Variants in RP1 observed in about 807,000 individuals in gnomAD.
The protein encoded by RP1 is oxygen-regulated protein 1.
A neutral mutation model predicts 14.8 loss-of-function variants in RP1; 16 were observed. The observed-to-expected ratio is 1.08, with a 90% CI of 0.73 to 1.65. The LOEUF (loss-of-function observed/expected upper bound fraction) is 1.65. Ranked by LOEUF, RP1 falls within the 40% of genes most tolerant of loss-of-function variation. The probability of loss-of-function intolerance (pLI) is 0.00; values close to 1 mark genes in which losing one functional copy is unlikely to be tolerated. For synonymous variants in RP1, 876 were observed against 883.6 expected (o/e 0.99, Z 0.15); for missense variants, 2,631 against 2,535.0 (o/e 1.04, Z -0.81).
chr8:54,856,337 G>T (rs1313901162), intron 26 of RP1, among the ~76,000 whole-genome samples: 1 of 152,104 alleles, frequency 6.6e-6, no homozygotes, highest in Non-Finnish European at 1.5e-5. Flanking sequence ...TGCTGATAAG[G>T]CTCTGTTACT....
At chr8:54,832,871 C>G (rs1055579661) in intron 24 of RP1, among the ~76,000 whole-genome samples, 2 of 151,978 alleles carry the variant, frequency 1.3e-5, no homozygotes, top group African/African-American at 4.8e-5. Flanking sequence ...GTTGTCATTT[C>G]TAATGCATGG....
At chr8:54,564,833 G>A (rs1239178664) in intron 1 of RP1, among the ~76,000 whole-genome samples, 2 of 152,214 alleles carry the variant, frequency 1.3e-5, no homozygotes, top group Admixed American at 6.5e-5. Flanking sequence ...AGCCAGCAGA[G>A]TTGGCAAGGT....
intron 24 of RP1, among the ~76,000 whole-genome samples, chr8:54,824,973 A>ATTT (rs759970980): frequency 0.012 from 1,746 of 150,198 alleles, 18 homozygotes; most frequent in East Asian, 0.019. Context: ...TTTTTTTTTT[A>ATTT]ATTTATTTAT....
Position 54,628,672 on chromosome 8 carries a change from A to C in RP1, c.4790A>C (p.Asp1597Ala). The C allele has an allele frequency of 6.2e-7, 1 of 1,614,124 alleles. No individual in the cohort carries two copies. The highest frequency in any genetic ancestry group is 8.5e-7 in the Non-Finnish European group (1 of 1,179,964). Residue 1597 changes from aspartate to alanine, a missense_variant, in exon 4 of 4, where the codon GAC becomes GCC. Asp to Ala is a moderately radical substitution (Grantham distance 126). Coordinates refer to ENST00000220676, the MANE Select transcript of RP1 (RefSeq NM_006269.2). ...TCTGATTGGTCAGACTATCGGCCTG[A>C]CAGTGACAGTGAGCAGCCATATAAA... Reference protein sequence around the residue: ...VTSDWSDYRPDSDSEQPYKTS... With the variant: ...VTSDWSDYRPASDSEQPYKTS...
At chr8:54,617,639 C>A (rs1292650890) in intron 1 of RP1, among the ~76,000 whole-genome samples, 2 of 152,190 alleles carry the variant, frequency 1.3e-5, no homozygotes, top group African/African-American at 4.8e-5. Context: ...TACACAGACT[C>A]TCCTCTGGAA....
At chr8:54,719,765 C>T (rs1422753004) in intron 15 of RP1, among the ~76,000 whole-genome samples, 1 of 152,134 alleles carries the variant, frequency 6.6e-6, no homozygotes, top group Non-Finnish European at 1.5e-5. Context: ...AGCACTTTTC[C>T]CACCATTTTA....
chr8:54,780,185 C>T (rs1016451282), intron 23 of RP1, among the ~76,000 whole-genome samples: 1 of 152,222 alleles, frequency 6.6e-6, no homozygotes, highest in Non-Finnish European at 1.5e-5. Context: ...ATGTACAATA[C>T]ATAAACAAAT....
At chr8:54,620,490 C>T (rs1805828467) in intron 1 of RP1, among the ~76,000 whole-genome samples, 1 of 151,650 alleles carries the variant, frequency 6.6e-6, no homozygotes, top group South Asian at 2.1e-4. Context: ...GATGAAATCA[C>T]CTAACAATGC....
chr8:54,560,212 C>G (rs1284517573), intron 1 of RP1: 2 of 152,094 alleles, frequency 1.3e-5, no homozygotes, highest in Admixed American at 6.6e-5. Context: ...CTCCATCCCC[C>G]AGGAGTTTTG....
At chr8:54,844,918 C>A (rs144155719) in intron 25 of RP1, among the ~76,000 whole-genome samples, 1 of 152,238 alleles carries the variant, frequency 6.6e-6, no homozygotes, top group East Asian at 1.9e-4. Flanking sequence ...TAAATGAATT[C>A]TCTTAGGGGG....
At position 54,865,845 on chromosome 8, in the gene RP1, GT is replaced by G; in HGVS notation, c.4083del (p.Ser1364ValfsTer23). The G allele has an allele frequency of 8.2e-7, 1 of 1,223,010 alleles. No homozygotes were observed. The highest frequency in any genetic ancestry group is 1.0e-6 in the Non-Finnish European group (1 of 979,688). The allele number at this position is 1,223,010 out of a possible 1,614,324, so 75.8% of individuals were successfully genotyped here. On this transcript the variant is annotated frameshift_variant, in exon 28 of 29. Transcript: ENST00000637698. LOFTEE classifies it high-confidence loss of function. ...TGTCAACTGACACAGGTAATGGATG[GT>G]TTCTTGGGAGTATTGTTGTTAAGTC...
chr8:54,866,822 C>A (rs1025052492), intron 28 of RP1, among the ~76,000 whole-genome samples: 6 of 152,216 alleles, frequency 3.9e-5, no homozygotes, highest in African/African-American at 1.4e-4. Flanking sequence ...GCTGTGAAGA[C>A]CTGGGTGTCA....
At chr8:54,801,420 C>G (rs1810702789) in intron 24 of RP1, among the ~76,000 whole-genome samples, 1 of 152,162 alleles carries the variant, frequency 6.6e-6, no homozygotes, top group South Asian at 2.1e-4. Context: ...TTTGCCACTC[C>G]CCTCAGAATC....
rs80043423 is a variant in RP1 at position 54,624,767 on chromosome 8, T to C, written c.885T>C (p.Val295=). The C allele has an allele frequency of 7.7e-4, 1,238 of 1,613,970 alleles. 6 individuals are homozygous for C. In the African/African-American group the frequency reaches 0.015, roughly 19 times the overall value. Reference sequence around the variant, plus strand: ...ATTGCTACTTAGACTATTCTTTTGTTCCTGAAAAGTACTTGGCCTTAGAAA... The same window carrying C: ...ATTGCTACTTAGACTATTCTTTTGTCCCTGAAAAGTACTTGGCCTTAGAAA... ...NNDCYLDYSF[V]PEKYLALEKN... Residue 295 remains valine (V), a synonymous_variant, in exon 4 of 4, where the codon GTT becomes GTC. Coordinates refer to ENST00000220676, the MANE Select transcript of RP1 (RefSeq NM_006269.2).
intron 16 of RP1, among the ~76,000 whole-genome samples, chr8:54,720,804 C>T (rs1051947248): frequency 2.6e-5 from 4 of 152,182 alleles, no homozygotes; most frequent in Non-Finnish European, 4.4e-5. Flanking sequence ...TCTCTCATAT[C>T]TAAGTTCCTG....
chr8:54,633,737 C>CTCTCTCTCTA (rs1236298691), downstream of RP1, among the ~76,000 whole-genome samples: 227 of 118,780 alleles, frequency 1.9e-3, no homozygotes, highest in East Asian at 7.7e-3. Flanking sequence ...CTCTCTCTCT[C>CTCTCTCTCTA]TATATATATA....
chr8:54,841,369 A>G (rs1351459576), intron 25 of RP1, among the ~76,000 whole-genome samples: 1 of 152,230 alleles, frequency 6.6e-6, no homozygotes, highest in Non-Finnish European at 1.5e-5. Flanking sequence ...CATGCTGGTA[A>G]AGTCCTAGGG....
intron 19 of RP1, among the ~76,000 whole-genome samples, chr8:54,742,869 C>T (rs1463530837): frequency 3.9e-5 from 6 of 152,140 alleles, no homozygotes; most frequent in Non-Finnish European, 8.8e-5. Flanking sequence ...AGCAACATCA[C>T]TACGTAGTGA....
chr8:54,681,238 A>T (rs1222291548), intron 12 of RP1, among the ~76,000 whole-genome samples: 1 of 152,038 alleles, frequency 6.6e-6, no homozygotes, highest in Non-Finnish European at 1.5e-5. Flanking sequence ...ACAGTGAAGG[A>T]TCTAAATTGT....
Sources: gnomAD v4.1 joint callset for allele counts (sites outside exome capture counted in the v4.1 genomes callset) on GRCh38, gnomAD v4.1.1 for gene constraint, MANE v1.5 for transcripts, NCBI Gene and HGNC (gene_info 2026-07-23, HGNC 2026-07-21) for gene names.